CDH13: variants seen among roughly 807,000 people sequenced by gnomAD.
CDH13 encodes the protein cadherin-13.
In CDH13, 24 loss-of-function variants were observed where a neutral mutation model predicts 63.8. The ratio of observed to expected loss-of-function variants is 0.38; its 90% CI spans 0.27 to 0.53. The LOEUF (loss-of-function observed/expected upper bound fraction) is 0.53. Ranked by LOEUF, CDH13 falls within the 20% of genes least tolerant of loss-of-function variation. CDH13 has a pLI of 0.85. For synonymous variants in CDH13, 503 were observed against 355.3 expected (o/e 1.42, Z -4.67); for missense variants, 1,049 against 903.1 (o/e 1.16, Z -2.07).
chr16:83,515,234 G>T (rs1048083313), intron 7 of CDH13, among the ~76,000 whole-genome samples: 1 of 152,094 alleles, frequency 6.6e-6, no homozygotes, highest in Non-Finnish European at 1.5e-5. Flanking sequence ...TCCTTTTAAG[G>T]TCTCTCCAAA....
intron 3 of CDH13, among the ~76,000 whole-genome samples, chr16:83,062,878 G>C (rs1317503043): frequency 6.6e-6 from 1 of 151,968 alleles, no homozygotes; most frequent in Non-Finnish European, 1.5e-5. Context: ...TGGCACCTTG[G>C]TGATTCTTTG....
Position 83,392,847 on chromosome 16 carries a change from C to T in CDH13, c.781+47841C>T, listed in dbSNP as rs560229627. On this transcript the variant is annotated intron_variant, in intron 6 of 13. Coordinates refer to ENST00000567109, the MANE Select transcript of CDH13 (RefSeq NM_001257.5). ...AAATCTCGGTGGAGGATGGAGGTAG[C>T]TTCTAGAAGGAGGTGGGCCTGAGCC... Among the ~76,000 whole-genome samples, 6 of 148,632 alleles carry T rather than the reference C, an allele frequency of 4.0e-5. No homozygotes were observed. The South Asian group carries it at 1.1e-3, about 27-fold the overall frequency.
At chr16:83,212,564 C>A (rs2039370509) in intron 4 of CDH13, among the ~76,000 whole-genome samples, 1 of 152,142 alleles carries the variant, frequency 6.6e-6, no homozygotes, top group African/African-American at 2.4e-5. Flanking sequence ...TAAAAGACTT[C>A]CTGTTAGTGT....
At chr16:82,986,115 C>A (rs952264393) in intron 2 of CDH13, among the ~76,000 whole-genome samples, 1 of 152,216 alleles carries the variant, frequency 6.6e-6, no homozygotes, top group African/African-American at 2.4e-5. Context: ...TACTCTTACA[C>A]TTATTGTAGA....
At chr16:83,168,515 A>C (rs1010725578) in intron 4 of CDH13, among the ~76,000 whole-genome samples, 2 of 152,064 alleles carry the variant, frequency 1.3e-5, no homozygotes, top group Admixed American at 1.3e-4. Flanking sequence ...AACTTTACCT[A>C]ACTTCTCCAA....
At chr16:82,906,606 A>C (rs965805300) in intron 2 of CDH13, among the ~76,000 whole-genome samples, 1 of 152,208 alleles carries the variant, frequency 6.6e-6, no homozygotes, top group Non-Finnish European at 1.5e-5. Context: ...AGGCTCTTCT[A>C]ATAGTTTCCG....
At chr16:83,707,836 C>CATAAAAAAAAAAAAAAAAAA (rs1907337318) in intron 10 of CDH13, among the ~76,000 whole-genome samples, 1 of 78,902 alleles carries the variant, frequency 1.3e-5, no homozygotes, top group African/African-American at 5.0e-5. Context: ...ACCCTAAAGG[C>CATAAAAAAAAAAAAAAAAAA]AAAAAAAAAA....
intron 2 of CDH13, among the ~76,000 whole-genome samples, chr16:82,970,712 G>A (rs1478752647): frequency 6.6e-6 from 1 of 152,062 alleles, no homozygotes; most frequent in African/African-American, 2.4e-5. Flanking sequence ...CTGTTTGAGT[G>A]TAAGGCAGAG....
intron 3 of CDH13, among the ~76,000 whole-genome samples, chr16:83,041,323 G>T (rs1443263244): frequency 6.6e-6 from 1 of 151,842 alleles, no homozygotes; most frequent in Non-Finnish European, 1.5e-5. Flanking sequence ...GTTCATCATC[G>T]TTGCAAACAT....
intron 1 of CDH13, among the ~76,000 whole-genome samples, chr16:82,762,865 C>G (rs1415086624): frequency 2.0e-5 from 3 of 152,148 alleles, no homozygotes; most frequent in Admixed American, 2.0e-4. Flanking sequence ...TGGGCACTCT[C>G]TTCATTAATA....
chr16:83,394,775 G>T (rs1164895098), intron 6 of CDH13, among the ~76,000 whole-genome samples: 1 of 152,174 alleles, frequency 6.6e-6, no homozygotes, highest in Admixed American at 6.5e-5. Context: ...GGAGGGATGA[G>T]AAATGGTTAG....
chr16:83,138,020 C>T (rs1277795978), intron 4 of CDH13, among the ~76,000 whole-genome samples: 2 of 151,920 alleles, frequency 1.3e-5, no homozygotes, highest in Non-Finnish European at 2.9e-5. Flanking sequence ...TGGGTATCTG[C>T]GCTTGGCCCA....
At chr16:83,204,201 A>G (rs2039115600) in intron 4 of CDH13, among the ~76,000 whole-genome samples, 1 of 152,164 alleles carries the variant, frequency 6.6e-6, no homozygotes, top group South Asian at 2.1e-4. Context: ...CCAACTCAGG[A>G]CACGCTTATC....
intron 1 of CDH13, among the ~76,000 whole-genome samples, chr16:82,738,619 TAGAA>T (rs1478381866): frequency 6.6e-6 from 1 of 152,220 alleles, no homozygotes; most frequent in Non-Finnish European, 1.5e-5. Context: ...CCTACTAAAA[TAGAA>T]AGATACCTTT....
intron 12 of CDH13, among the ~76,000 whole-genome samples, chr16:83,781,251 C>T (rs547792923): frequency 5.3e-5 from 8 of 152,344 alleles, no homozygotes; most frequent in African/African-American, 1.7e-4. Context: ...CCTATATCCA[C>T]AATCTCACCC....
chr16:82,761,259 C>G (rs1320464248), intron 1 of CDH13, among the ~76,000 whole-genome samples: 3 of 151,934 alleles, frequency 2.0e-5, no homozygotes, highest in Admixed American at 2.0e-4. Context: ...CTCAGGTGAT[C>G]TGCCCTCCTC....
At chr16:82,768,814 C>T (rs760902746) in intron 1 of CDH13, among the ~76,000 whole-genome samples, 2 of 152,292 alleles carry the variant, frequency 1.3e-5, no homozygotes, top group African/African-American at 4.8e-5. Flanking sequence ...TTAATACTTA[C>T]TCTGATTCAG....
intron 1 of CDH13, 36 bp from the exon 2 acceptor site, chr16:82,858,326 C>A: frequency 1.4e-6 from 2 of 1,390,136 alleles, no homozygotes; most frequent in South Asian, 2.3e-5. Flanking sequence ...AACACATAAG[C>A]CGCTATTAAA....
At chr16:83,591,713 C>G (rs910146053) in intron 7 of CDH13, among the ~76,000 whole-genome samples, 1 of 152,188 alleles carries the variant, frequency 6.6e-6, no homozygotes, top group African/African-American at 2.4e-5. Context: ...CGAAGCACTC[C>G]CAGTTAGTAG....
Sources: gnomAD v4.1 joint callset for allele counts (sites outside exome capture counted in the v4.1 genomes callset) on GRCh38, gnomAD v4.1.1 for gene constraint, MANE v1.5 for transcripts, NCBI Gene and HGNC (gene_info 2026-07-23, HGNC 2026-07-21) for gene names.